The following PTPRN2 variants were observed in gnomAD, a reference collection of about 807,000 sequenced individuals.
PTPRN2 encodes receptor-type tyrosine-protein phosphatase N2.
A neutral mutation model predicts 118.8 loss-of-function variants in PTPRN2; 74 were observed. That is an observed-to-expected ratio of 0.62 (90% CI 0.52 to 0.76). The LOEUF (loss-of-function observed/expected upper bound fraction) is 0.76. Among genes scored for constraint, PTPRN2 ranks in the 30% least tolerant of loss-of-function variants. The pLI is 0.00. For synonymous variants in PTPRN2, 641 were observed against 608.0 expected (o/e 1.05, Z -0.80); for missense variants, 1,481 against 1,394.4 (o/e 1.06, Z -0.99).
intron 12 of PTPRN2, among the ~76,000 whole-genome samples, chr7:157,888,713 G>A (rs76529747): frequency 0.032 from 4,807 of 152,260 alleles, 241 homozygotes; most frequent in African/African-American, 0.1. Flanking sequence ...TACTGTGAGC[G>A]TTTCCCACAG....
At chr7:157,847,755 A>G (rs1244022898) in intron 12 of PTPRN2, among the ~76,000 whole-genome samples, 1 of 129,464 alleles carries the variant, frequency 7.7e-6, no homozygotes, top group Admixed American at 7.8e-5. Context: ...CTCTCACTCC[A>G]TCATGCGTGC....
chr7:157,666,848 C>T (rs1301348275), intron 13 of PTPRN2, among the ~76,000 whole-genome samples: 1 of 152,020 alleles, frequency 6.6e-6, no homozygotes. Context: ...GCCTGACTTG[C>T]ACACTTGGCC....
Position 157,610,615 on chromosome 7 carries a change from C to A in PTPRN2, c.2345-6540G>T, listed in dbSNP as rs532913089. On this transcript the variant is annotated intron_variant, in intron 15 of 22. Coordinates refer to ENST00000389418, the MANE Select transcript of PTPRN2 (RefSeq NM_002847.5). This position sits in a 1 kb window ranked among gnomAD's most constrained non-coding sequence, Gnocchi z 5.1. ...CGTCAGTGCTGCTTAGGGATCCCAG[C>A]GGCTCACACACAGAAAGGCCTTTGA... 1.0e-3 allele frequency among the ~76,000 whole-genome samples: 152 copies of A among 152,258 alleles called. 1 individual carries two copies. The highest frequency in any genetic ancestry group is 3.4e-3 in the African/African-American group (143 of 41,540).
intron 12 of PTPRN2, among the ~76,000 whole-genome samples, chr7:157,701,718 T>G (rs1798075177): frequency 6.6e-6 from 1 of 152,260 alleles, no homozygotes; most frequent in Non-Finnish European, 1.5e-5. Flanking sequence ...CACTCTTAAC[T>G]GACGTGGGCT....
chr7:157,553,891 A>G (rs112869147), intron 21 of PTPRN2, among the ~76,000 whole-genome samples: 5 of 152,342 alleles, frequency 3.3e-5, no homozygotes, highest in African/African-American at 1.2e-4. Flanking sequence ...CATAAGGGAC[A>G]GACCCTGGAT....
chr7:158,407,001 C>G (rs914472063), intron 2 of PTPRN2, among the ~76,000 whole-genome samples: 17 of 152,322 alleles, frequency 1.1e-4, no homozygotes, highest in Non-Finnish European at 2.4e-4. Context: ...GAACAATGAG[C>G]AAGGCTGAGC....
chr7:158,569,989 G>T (rs567579345), intron 1 of PTPRN2, among the ~76,000 whole-genome samples: 3 of 152,148 alleles, frequency 2.0e-5, no homozygotes, highest in Admixed American at 6.5e-5. Flanking sequence ...GCTCGCAGAC[G>T]GGGGAGCCCA....
At chr7:158,521,678 T>G (rs1342798327) in intron 1 of PTPRN2, among the ~76,000 whole-genome samples, 1 of 94,056 alleles carries the variant, frequency 1.1e-5, no homozygotes, top group Non-Finnish European at 2.0e-5. Flanking sequence ...GGGAGGGAGG[T>G]CCACGTCACA....
chr7:158,514,257 C>T (rs1335009956), intron 1 of PTPRN2, among the ~76,000 whole-genome samples: 1 of 152,176 alleles, frequency 6.6e-6, no homozygotes, highest in Non-Finnish European at 1.5e-5. Context: ...CCTGAAAACA[C>T]AGCAGTACAT....
chr7:157,839,515 CTG>C (rs1283155744), intron 12 of PTPRN2, among the ~76,000 whole-genome samples: 1 of 150,290 alleles, frequency 6.7e-6, no homozygotes, highest in East Asian at 2.0e-4. Flanking sequence ...ATGTGTCTGT[CTG>C]TGTGTGTGAC....
intron 2 of PTPRN2, among the ~76,000 whole-genome samples, chr7:158,482,830 T>C (rs962071147): frequency 6.6e-6 from 1 of 151,174 alleles, no homozygotes; most frequent in Admixed American, 6.6e-5. Context: ...GCAATGTTTA[T>C]ATAGACTGGA....
intron 12 of PTPRN2, among the ~76,000 whole-genome samples, chr7:157,710,589 C>T (rs1798560459): frequency 6.6e-6 from 1 of 151,926 alleles, no homozygotes. Flanking sequence ...GGCCTGGGAC[C>T]CCAAGCCGCT....
intron 1 of PTPRN2, among the ~76,000 whole-genome samples, chr7:158,528,442 T>C (rs930144222): frequency 2.0e-5 from 3 of 152,144 alleles, no homozygotes; most frequent in African/African-American, 7.2e-5. Flanking sequence ...CAGGAACAGG[T>C]TCACTTGCTG....
intron 12 of PTPRN2, among the ~76,000 whole-genome samples, chr7:157,860,806 C>T (rs1438624366): frequency 1.3e-5 from 2 of 152,214 alleles, no homozygotes; most frequent in Non-Finnish European, 2.9e-5. Context: ...ATTCACGGTC[C>T]GTCCAACCAG....
chr7:157,615,358 C>G lies in PTPRN2; in HGVS notation c.2344+6004G>C. 2.2e-6 allele frequency: 1 copy of G among 446,270 alleles called. No individual in the cohort carries two copies. Among genetic ancestry groups the G allele is most frequent in the Non-Finnish European group, 4.7e-6 (1 of 213,084 alleles). 27.6% of individuals were successfully genotyped at this position (446,270 alleles called of 1,614,324 possible). A position where few individuals can be genotyped will look rare whatever the true frequency, so the allele number is the denominator to read the frequency against. ...GTGTAGGCTGCACTCTCCGGGGAGC[C>G]GCTGACCTTGGGCTCCCTAACCTCC... On this transcript the variant is annotated intron_variant, in intron 15 of 22. Coordinates refer to ENST00000389418, the MANE Select transcript of PTPRN2 (RefSeq NM_002847.5). This position sits in a 1 kb window ranked among gnomAD's most constrained non-coding sequence, Gnocchi z 4.3.
intron 2 of PTPRN2, among the ~76,000 whole-genome samples, chr7:158,414,689 C>T (rs1453107695): frequency 6.6e-6 from 1 of 152,234 alleles, no homozygotes; most frequent in Non-Finnish European, 1.5e-5. Context: ...CGGCATTGTG[C>T]CGTGCCTCCC....
chr7:158,270,089 G>A (rs1798209258), intron 3 of PTPRN2, among the ~76,000 whole-genome samples: 1 of 152,236 alleles, frequency 6.6e-6, no homozygotes, highest in Non-Finnish European at 1.5e-5. Context: ...TTTTGCAGGA[G>A]GGGCTGCTCA....
intron 9 of PTPRN2, among the ~76,000 whole-genome samples, chr7:158,118,511 AAAAC>A (rs779058756): frequency 5.9e-5 from 9 of 152,244 alleles, no homozygotes; most frequent in Non-Finnish European, 1.0e-4. Context: ...ATGCACATAG[AAAAC>A]AAATATTAAA....
intron 12 of PTPRN2, among the ~76,000 whole-genome samples, chr7:157,747,392 T>C (rs1340972234): frequency 1.7e-4 from 16 of 92,952 alleles, no homozygotes; most frequent in African/African-American, 5.0e-4. Context: ...TGTGGGCTGT[T>C]GAGGTGATTC....
Sources: gnomAD v4.1 joint callset for allele counts (sites outside exome capture counted in the v4.1 genomes callset) on GRCh38, gnomAD v4.1.1 for gene constraint, Gnocchi (gnomAD v3.1) non-coding constraint, MANE v1.5 for transcripts, NCBI Gene and HGNC (gene_info 2026-07-23, HGNC 2026-07-21) for gene names.